Variants in NCK1 observed in about 807,000 individuals in gnomAD.
NCK1 encodes the protein NCK adaptor protein 1.
In NCK1, 19 loss-of-function variants were observed where a neutral mutation model predicts 36.6. The observed-to-expected ratio is 0.52, with a 90% CI of 0.36 to 0.76. The LOEUF is 0.76. Ranked by LOEUF, NCK1 falls within the 30% of genes least tolerant of loss-of-function variation. The pLI, the probability that NCK1 is intolerant of heterozygous loss-of-function variation, is 0.00. For synonymous variants in NCK1, 165 were observed against 156.0 expected, an observed-to-expected ratio of 1.06 and a Z score of -0.43; for missense variants, 358 against 445.6, an observed-to-expected ratio of 0.80 and a Z score of 1.77.
chr3:136,932,118 C>CAA (rs1288026754), intron 2 of NCK1, among the ~76,000 whole-genome samples: 21 of 59,224 alleles, frequency 3.5e-4, no homozygotes, highest in East Asian at 1.4e-3. Context: ...GACTCCATCT[C>CAA]AAAAAAAAAA....
chr3:136,942,509 C>A (rs753551735), intron 2 of NCK1, among the ~76,000 whole-genome samples: 11 of 152,104 alleles, frequency 7.2e-5, no homozygotes, highest in Non-Finnish European at 1.2e-4. Context: ...CAAAAGAAAA[C>A]CTCTCCCCAT....
intron 1 of NCK1, among the ~76,000 whole-genome samples, chr3:136,920,221 G>A (rs1940069360): frequency 6.6e-6 from 1 of 151,950 alleles, no homozygotes; most frequent in Non-Finnish European, 1.5e-5. Context: ...CAGAAATAAA[G>A]GCTACTTAAA....
chr3:136,915,883 G>A (rs551537276), intron 1 of NCK1, among the ~76,000 whole-genome samples: 2 of 152,072 alleles, frequency 1.3e-5, no homozygotes, highest in East Asian at 3.9e-4. Flanking sequence ...GCATCACCAC[G>A]CCTGGCTAAC....
intron 1 of NCK1, among the ~76,000 whole-genome samples, chr3:136,896,735 A>G (rs1465369595): frequency 6.6e-6 from 1 of 152,164 alleles, no homozygotes; most frequent in Non-Finnish European, 1.5e-5. Flanking sequence ...TCCTGGGCTC[A>G]AGCAGTCCTC....
intron 1 of NCK1, among the ~76,000 whole-genome samples, chr3:136,877,488 G>A (rs939234345): frequency 1.3e-5 from 2 of 152,172 alleles, no homozygotes; most frequent in African/African-American, 4.8e-5. Flanking sequence ...TAGAGGAAGA[G>A]TTATAGCCTT....
chr3:136,872,650 A>G (rs1938658258), intron 1 of NCK1, among the ~76,000 whole-genome samples: 3 of 152,342 alleles, frequency 2.0e-5, no homozygotes, highest in South Asian at 4.1e-4. Flanking sequence ...AGCCCCTCCC[A>G]TCACAGGCGT....
At chr3:136,864,497 A>ACAC (rs57808674) in intron 1 of NCK1, among the ~76,000 whole-genome samples, 42 of 148,830 alleles carry the variant, frequency 2.8e-4, no homozygotes, top group East Asian at 9.9e-4. Flanking sequence ...CACACACACA[A>ACAC]AAAAAAAACA....
intron 2 of NCK1, among the ~76,000 whole-genome samples, chr3:136,941,555 A>C (rs187794038): frequency 9.2e-4 from 140 of 152,244 alleles, no homozygotes; most frequent in African/African-American, 3.1e-3. Context: ...ATTAATACCA[A>C]CTTAGTTTCA....
intron 1 of NCK1, among the ~76,000 whole-genome samples, chr3:136,864,500 A>C (rs1231403622): frequency 3.3e-5 from 5 of 151,856 alleles, no homozygotes; most frequent in Non-Finnish European, 7.4e-5. Flanking sequence ...ACACACAAAA[A>C]AAAAACAGAA....
intron 1 of NCK1, among the ~76,000 whole-genome samples, chr3:136,927,287 T>C (rs1940267719): frequency 6.6e-6 from 1 of 152,132 alleles, no homozygotes; most frequent in Non-Finnish European, 1.5e-5. Context: ...TATTTCTTTG[T>C]TTTGTTACTC....
At chr3:136,897,060 T>G (rs1292579051) in intron 1 of NCK1, among the ~76,000 whole-genome samples, 1 of 152,080 alleles carries the variant, frequency 6.6e-6, no homozygotes, top group Non-Finnish European at 1.5e-5. Context: ...TCTACATCCT[T>G]ACCAGTGTCT....
intron 2 of NCK1, chr3:136,930,491 C>T (rs1020024997): frequency 1.8e-5 from 24 of 1,340,156 alleles, no homozygotes; most frequent in African/African-American, 7.5e-5. Flanking sequence ...GCAGAACAGA[C>T]GAGGAAGCTC....
intron 1 of NCK1, among the ~76,000 whole-genome samples, chr3:136,898,672 A>G (rs551608414): frequency 6.6e-6 from 1 of 152,354 alleles, no homozygotes; most frequent in East Asian, 1.9e-4. Context: ...GATTTCAGAA[A>G]TGTCTTATGA....
Position 136,934,971 on chromosome 3 carries a change from G to A in NCK1, c.226+6744G>A, listed in dbSNP as rs967169325. 2.6e-5 allele frequency among the ~76,000 whole-genome samples: 4 copies of A among 152,012 alleles called. No homozygotes were observed. The East Asian group carries it at 7.7e-4, about 29-fold the overall frequency. On this transcript the variant is annotated intron_variant, in intron 2 of 3. Coordinates refer to ENST00000481752, the MANE Select transcript of NCK1 (RefSeq NM_001291999.2). The stretch of plus-strand genomic sequence containing the variant: ...GTCCCCCAAAACTCCGCATGATCTT[G>A]GCTCACTGCAACCTCCGCCTCCTGG...
At chr3:136,892,852 G>T (rs958775778) in intron 1 of NCK1, among the ~76,000 whole-genome samples, 1 of 152,058 alleles carries the variant, frequency 6.6e-6, no homozygotes, top group Admixed American at 6.6e-5. Flanking sequence ...GGAACCGATG[G>T]TGTTTGATTA....
intron 1 of NCK1, among the ~76,000 whole-genome samples, chr3:136,914,340 C>T (rs1474380715): frequency 6.6e-6 from 1 of 152,138 alleles, no homozygotes; most frequent in East Asian, 1.9e-4. Flanking sequence ...AAAGTAACAG[C>T]AGTTTATTTT....
intron 1 of NCK1, among the ~76,000 whole-genome samples, chr3:136,925,234 G>A (rs1411942562): frequency 1.3e-5 from 2 of 152,120 alleles, no homozygotes; most frequent in South Asian, 2.1e-4. Context: ...GTAAAGTGTG[G>A]TATTTCAGTT....
At chr3:136,911,152 A>G (rs1293995019) in intron 1 of NCK1, among the ~76,000 whole-genome samples, 1 of 152,156 alleles carries the variant, frequency 6.6e-6, no homozygotes, top group Non-Finnish European at 1.5e-5. Context: ...TCATTAATCC[A>G]TTGATGGACA....
At chr3:136,878,134 C>T (rs1938826462) in intron 1 of NCK1, among the ~76,000 whole-genome samples, 1 of 152,144 alleles carries the variant, frequency 6.6e-6, no homozygotes, top group African/African-American at 2.4e-5. Flanking sequence ...GTAGGCCGGA[C>T]ATGGTGGCTC....
Sources: allele counts gnomAD v4.1 joint callset (sites outside exome capture counted in the v4.1 genomes callset), GRCh38; gene constraint gnomAD v4.1.1; transcripts MANE v1.5; gene names NCBI Gene and HGNC (gene_info 2026-07-23, HGNC 2026-07-21).